CCDC73: variants seen among roughly 807,000 people sequenced by gnomAD.
The protein encoded by CCDC73 is coiled-coil domain-containing protein 73.
Under a neutral mutation model 116.5 loss-of-function variants are expected in CCDC73, and 95 were observed. The ratio of observed to expected loss-of-function variants is 0.82; its 90% CI spans 0.69 to 0.97. The LOEUF (loss-of-function observed/expected upper bound fraction) is 0.97. Ranked by LOEUF, CCDC73 falls within the 50% of genes least tolerant of loss-of-function variation. The probability of loss-of-function intolerance (pLI) is 0.00; values close to 1 mark genes in which losing one functional copy is unlikely to be tolerated. For missense variants in CCDC73, 1,066 were observed against 1,206.8 expected (o/e 0.88, Z 1.73); for synonymous variants, 398 against 401.3 (o/e 0.99, Z 0.10).
intron 1 of CCDC73, among the ~76,000 whole-genome samples, chr11:32,781,003 T>G (rs895427933): frequency 6.6e-6 from 1 of 152,136 alleles, no homozygotes; most frequent in African/African-American, 2.4e-5. Context: ...GGTGTGGTGG[T>G]GCATGCCTGC....
chr11:32,605,345 A>C (rs1306171913), intron 17 of CCDC73: 2 of 151,666 alleles, frequency 1.3e-5, no homozygotes, highest in Admixed American at 1.3e-4. Flanking sequence ...TATTTATCTG[A>C]TTGGCTTTGT....
intron 17 of CCDC73, chr11:32,606,016 A>AT (rs1855346767): frequency 6.6e-6 from 1 of 151,568 alleles, no homozygotes; most frequent in South Asian, 2.1e-4. Context: ...TGGATATATA[A>AT]AAAAAAAAGT....
intron 2 of CCDC73, among the ~76,000 whole-genome samples, chr11:32,724,236 ACT>A (rs1252585953): frequency 2.0e-5 from 3 of 152,108 alleles, no homozygotes; most frequent in Non-Finnish European, 4.4e-5. Context: ...CCAAAACTCC[ACT>A]GACTTTTATT....
At chr11:32,760,580 C>T (rs780451314) in intron 1 of CCDC73, among the ~76,000 whole-genome samples, 2 of 152,228 alleles carry the variant, frequency 1.3e-5, no homozygotes, top group Admixed American at 6.5e-5. Flanking sequence ...CTGGGATACA[C>T]ATTCTGCTTC....
intron 7 of CCDC73, chr11:32,682,177 C>T (rs1461944900): frequency 6.6e-6 from 1 of 151,640 alleles, no homozygotes; most frequent in African/African-American, 2.4e-5. Flanking sequence ...AAATAAAACA[C>T]ATTTTATGTT....
intron 14 of CCDC73, 30 bp downstream of exon 14, chr11:32,635,666 T>C (rs754296750): frequency 7.9e-7 from 1 of 1,263,218 alleles, no homozygotes; most frequent in Admixed American, 3.3e-5. Flanking sequence ...TCTTTGATAG[T>C]TTGTACCCCA....
intron 9 of CCDC73, among the ~76,000 whole-genome samples, chr11:32,670,748 T>C (rs1235242411): frequency 6.6e-6 from 1 of 152,126 alleles, no homozygotes. Flanking sequence ...TTTCAACAAT[T>C]GAAAACATGG....
chr11:32,702,985 CA>C (rs1168759649), intron 3 of CCDC73, 41 bp from the exon 4 acceptor site: 13 of 1,282,710 alleles, frequency 1.0e-5, no homozygotes, highest in Non-Finnish European at 1.3e-5. Flanking sequence ...CAAATTCTAG[CA>C]ACTCTCTTTC....
the CCDC73 span, among the ~76,000 whole-genome samples, chr11:32,802,367 G>C: frequency 6.6e-6 from 1 of 152,148 alleles, no homozygotes; most frequent in Non-Finnish European, 1.5e-5. Context: ...TAATCTTAGT[G>C]AATCAAAAAT....
intron 2 of CCDC73, among the ~76,000 whole-genome samples, chr11:32,756,609 T>G (rs979008182): frequency 3.3e-5 from 5 of 151,470 alleles, no homozygotes; most frequent in African/African-American, 9.7e-5. Context: ...GTCATTACCC[T>G]TAAAATTTTA....
intron 1 of CCDC73, among the ~76,000 whole-genome samples, chr11:32,770,461 AAAC>A (rs1031097884): frequency 2.0e-5 from 3 of 152,152 alleles, no homozygotes; most frequent in African/African-American, 2.4e-5. Context: ...TGTGCCCATT[AAAC>A]AATATGTAAC....
the CCDC73 span, among the ~76,000 whole-genome samples, chr11:32,824,076 G>T: frequency 6.6e-6 from 1 of 152,058 alleles, no homozygotes; most frequent in Non-Finnish European, 1.5e-5. Context: ...TGTATTTTTA[G>T]TGGAGACGGG....
At chr11:32,664,917 C>T (rs1855966137) in intron 9 of CCDC73, among the ~76,000 whole-genome samples, 1 of 152,088 alleles carries the variant, frequency 6.6e-6, no homozygotes, top group Non-Finnish European at 1.5e-5. Context: ...CATTATGTAC[C>T]CAGTAGTCAT....
At chr11:32,668,366 C>G (rs1323247451) in intron 9 of CCDC73, among the ~76,000 whole-genome samples, 1 of 152,054 alleles carries the variant, frequency 6.6e-6, no homozygotes, top group African/African-American at 2.4e-5. Flanking sequence ...ATGTTTCATA[C>G]TTAAATATCC....
At chr11:32,756,675 G>A (rs573400741) in intron 2 of CCDC73, among the ~76,000 whole-genome samples, 5 of 151,546 alleles carry the variant, frequency 3.3e-5, no homozygotes, top group South Asian at 4.2e-4. Context: ...TATATCTTCC[G>A]AACGATACAA....
rs201070131 is a variant in CCDC73 at position 32,613,674 on chromosome 11, C to T, written c.2644G>A (p.Gly882Arg). ...GTTGAAAGATCAAAGGTTGACCTTC[C>T]GCTTCTGTTTACTAAATCTCCAGAT... ...EPSGDLVNRS[G>R]RSTFDLSTSD... The change falls in exon 16 of 18, where the codon GGA (glycine) becomes AGA (arginine). Residue 882 changes from glycine (G) to arginine (R), a missense_variant. By Grantham distance (125) the Gly-to-Arg change is moderately radical. Transcript: ENST00000335185. The T allele has an allele frequency of 8.6e-5, 138 of 1,614,012 alleles. No homozygotes were observed. In the East Asian group the frequency reaches 1.6e-3, roughly 19 times the overall value.
chr11:32,815,508 C>G, the CCDC73 span, among the ~76,000 whole-genome samples: 2 of 152,026 alleles, frequency 1.3e-5, no homozygotes, highest in African/African-American at 4.8e-5. Flanking sequence ...GCCTATTTTG[C>G]TTTTCTAATA....
At position 32,602,736 on chromosome 11, in the gene CCDC73, C is replaced by T. The variant is rs981143790; in HGVS notation, c.*75G>A. 7.1e-6 allele frequency: 8 copies of T among 1,130,694 alleles called. No homozygotes were observed. Among genetic ancestry groups the T allele is most frequent in the Non-Finnish European group, 7.4e-6 (6 of 807,738 alleles). The allele number at this position is 1,130,694 out of a possible 1,614,324, so 70.0% of individuals were successfully genotyped here. A position where few individuals can be genotyped will look rare whatever the true frequency, so the allele number is the denominator to read the frequency against. On this transcript the variant is annotated 3_prime_UTR_variant, in exon 18 of 18. Coordinates refer to ENST00000335185, the MANE Select transcript of CCDC73 (RefSeq NM_001008391.4). The stretch of plus-strand genomic sequence containing the variant: ...ACAAACTGTAGAGCTTTAAATACAA[C>T]AGTCATTTTATTCTAGTAAAAACTA...
At chr11:32,609,214 T>C (rs531146265) in intron 17 of CCDC73, among the ~76,000 whole-genome samples, 46 of 152,196 alleles carry the variant, frequency 3.0e-4, no homozygotes, top group Non-Finnish European at 5.1e-4. Flanking sequence ...TTTTCCAAAC[T>C]TTTATGCTGT....
Sources: gnomAD v4.1 joint callset for allele counts (sites outside exome capture counted in the v4.1 genomes callset) on GRCh38, gnomAD v4.1.1 for gene constraint, MANE v1.5 for transcripts, NCBI Gene and HGNC (gene_info 2026-07-23, HGNC 2026-07-21) for gene names.